Variants in ZNF70 observed in about 807,000 individuals in gnomAD.
ZNF70 encodes the protein zinc finger protein N27C7-1.
In ZNF70, 18 loss-of-function variants were observed where a neutral mutation model predicts 37.7. The observed-to-expected ratio is 0.48, with a 90% CI of 0.33 to 0.71. The LOEUF is 0.71. ZNF70 is among the 30% of genes least tolerant of loss of function. The pLI, the probability that ZNF70 is intolerant of heterozygous loss-of-function variation, is 0.02. For missense variants in ZNF70, 506 were observed against 568.6 expected (o/e 0.89, Z 1.12); for synonymous variants, 219 against 220.1 (o/e 0.99, Z 0.05).
intron 1 of ZNF70, among the ~76,000 whole-genome samples, chr22:23,746,577 G>T (rs1950032576): frequency 6.6e-6 from 1 of 151,558 alleles, no homozygotes; most frequent in Admixed American, 6.6e-5. Context: ...TCCATCTCCT[G>T]TCTGTCTGCC....
chr22:23,746,943 C>T (rs767206484), intron 1 of ZNF70, among the ~76,000 whole-genome samples: 12 of 152,258 alleles, frequency 7.9e-5, no homozygotes, highest in Admixed American at 1.3e-4. Flanking sequence ...TTTTTCTCTG[C>T]ACCCTCAGGT....
Position 23,741,288 on chromosome 22 carries a change from T to A in ZNF70, c.*2512A>T, listed in dbSNP as rs1467414163. On this transcript the variant is annotated 3_prime_UTR_variant, in exon 2 of 2. Transcript: ENST00000341976. ...AGATCTTTCAGGGACCCCTGCTTGA[T>A]GCCGCCTGCTGTCCCCACTGCATCC... 3 of 152,216 alleles carry A rather than the reference T, an allele frequency of 2.0e-5. No individual in the cohort carries two copies. Among genetic ancestry groups the A allele is most frequent in the Non-Finnish European group, 4.4e-5 (3 of 68,054 alleles). 9.4% of individuals were successfully genotyped at this position (152,216 alleles called of 1,614,324 possible). A position where few individuals can be genotyped will look rare whatever the true frequency, so the allele number is the denominator to read the frequency against.
chr22:23,739,387 T>C lies in ZNF70; in HGVS notation c.*4413A>G, dbSNP rs994849432. On this transcript the variant is annotated 3_prime_UTR_variant, in exon 2 of 2. Coordinates refer to ENST00000341976, the MANE Select transcript of ZNF70 (RefSeq NM_021916.4). ...GCCTCCCGGGTTCACACCATTCTCC[T>C]GCCTCAGCCTCCCAAGTAGCTGGGA... 1 of 152,104 alleles carries C rather than the reference T, an allele frequency of 6.6e-6. No homozygotes were observed. Among genetic ancestry groups the C allele is most frequent in the Non-Finnish European group, 1.5e-5 (1 of 68,028 alleles). 9.4% of individuals were successfully genotyped at this position (152,104 alleles called of 1,614,324 possible).
rs1204120617 is a variant in ZNF70, at chr22:23,744,906, T to A, written c.235A>T (p.Ile79Phe). 4 of 1,614,224 alleles carry A rather than the reference T, an allele frequency of 2.5e-6. No homozygotes were observed. The highest frequency in any genetic ancestry group is 3.4e-6 in the Non-Finnish European group (4 of 1,180,038). ...LCSSPVQHQSIPPGTRPQDDE... is the reference protein window; with the variant it reads ...LCSSPVQHQSFPPGTRPQDDE... The stretch of plus-strand genomic sequence containing the variant: ...TCCTGGGGTCTGGTTCCTGGGGGGA[T>A]ACTTTGATGCTGAACAGGGCTTGAG... Residue 79 changes from isoleucine (I) to phenylalanine (F), a missense_variant, in exon 2 of 2, where the codon ATC becomes TTC. Ile to Phe is a conservative substitution (Grantham distance 21). Coordinates refer to ENST00000341976, the MANE Select transcript of ZNF70 (RefSeq NM_021916.4).
chr22:23,748,065 T>G (rs1369961958), intron 1 of ZNF70, among the ~76,000 whole-genome samples: 1 of 151,994 alleles, frequency 6.6e-6, no homozygotes, highest in Non-Finnish European at 1.5e-5. Flanking sequence ...TCATATTCAC[T>G]GAGCACCTAC....
chr22:23,746,666 C>T (rs911661096), intron 1 of ZNF70, among the ~76,000 whole-genome samples: 2 of 152,108 alleles, frequency 1.3e-5, no homozygotes, highest in African/African-American at 4.8e-5. Flanking sequence ...GATCTTGGCT[C>T]ACTGCAACCT....
At position 23,747,782 on chromosome 22, in the gene ZNF70, C is replaced by T. The variant is rs1925179690; in HGVS notation, c.-79-2563G>A. ...AGGAGGCAGAGCTTGCGAGATCATG[C>T]CACTGCACACCAGCCTGGGCAACAG... On this transcript the variant is annotated intron_variant, in intron 1 of 1. Transcript: ENST00000341976. Among the ~76,000 whole-genome samples the T allele has an allele frequency of 3.9e-5, 6 of 152,202 alleles. No homozygotes were observed. The South Asian group carries it at 1.2e-3, about 32-fold the overall frequency.
Position 23,750,789 on chromosome 22 carries a change from C to G in ZNF70, c.-158G>C, listed in dbSNP as rs1925299350. Reference sequence around the variant, plus strand: ...GAGTCCCTAGGGCCTGGGCACCCTGCAAACTCTTAGTGCAGTCAAGGTTTC... The same window carrying G: ...GAGTCCCTAGGGCCTGGGCACCCTGGAAACTCTTAGTGCAGTCAAGGTTTC... On this transcript the variant is annotated 5_prime_UTR_variant, in exon 1 of 2. Coordinates refer to ENST00000341976, the MANE Select transcript of ZNF70 (RefSeq NM_021916.4). 1 of 152,352 alleles carries G rather than the reference C, an allele frequency of 6.6e-6. No homozygotes were observed. The highest frequency in any genetic ancestry group is 1.5e-5 in the Non-Finnish European group (1 of 68,100). The allele number at this position is 152,352 out of a possible 1,614,324, so 9.4% of individuals were successfully genotyped here. A position where few individuals can be genotyped will look rare whatever the true frequency, so the allele number is the denominator to read the frequency against.
rs111628598 is a variant in ZNF70 at position 23,745,111 on chromosome 22, A to G, written c.30T>C (p.Gly10=). The change falls in exon 2 of 2, where the codon GGT becomes GGC. Residue 10 remains glycine, a synonymous_variant. Coordinates refer to ENST00000341976, the MANE Select transcript of ZNF70 (RefSeq NM_021916.4). MEVPPATKF[G]ETFAFENRLE... ...ACCTGTTCTCAAATGCAAAGGTCTC[A>G]CCAAACTTTGTTGCTGGGGGAACCT... is the stretch of plus-strand genomic sequence containing the variant. 2.4e-5 allele frequency: 39 copies of G among 1,612,824 alleles called. No individual in the cohort carries two copies. The highest frequency in any genetic ancestry group is 2.3e-4 in the African/African-American group (17 of 74,982).
intron 1 of ZNF70, among the ~76,000 whole-genome samples, chr22:23,749,818 T>C (rs1207670829): frequency 1.3e-5 from 2 of 152,098 alleles, no homozygotes; most frequent in African/African-American, 2.4e-5. Context: ...CTCCAACTCT[T>C]CCAGCTCTCT....
intron 1 of ZNF70, among the ~76,000 whole-genome samples, chr22:23,749,032 C>A (rs979861309): frequency 6.6e-6 from 1 of 151,922 alleles, no homozygotes; most frequent in African/African-American, 2.4e-5. Context: ...GCTAGGACAC[C>A]ATCCTGGCTA....
In ZNF70 at chr22:23,739,093, A is replaced by C. The variant is rs1014955759; in HGVS notation, c.*4707T>G. 3 of 152,170 alleles carry C rather than the reference A, an allele frequency of 2.0e-5. No homozygotes were observed. The highest frequency in any genetic ancestry group is 6.5e-5 in the Admixed American group (1 of 15,274). 9.4% of individuals were successfully genotyped at this position (152,170 alleles called of 1,614,324 possible). ...ATGGATTTGAATAAAATAATGAAAA[A>C]ATTGAGTTAACAAATAGAACTGGTA... is the stretch of plus-strand genomic sequence containing the variant. On this transcript the variant is annotated 3_prime_UTR_variant, in exon 2 of 2. Coordinates refer to ENST00000341976, the MANE Select transcript of ZNF70 (RefSeq NM_021916.4).
Position 23,743,741 on chromosome 22 carries a change from G to A in ZNF70, c.*59C>T, listed in dbSNP as rs766177876. ...GTAGGTGGGGTCTTGGAGACCACGC[G>A]ACGTGGAATAAAGGCTCCATCTGGC... On this transcript the variant is annotated 3_prime_UTR_variant, in exon 2 of 2. Transcript: ENST00000341976. 25 of 1,553,990 alleles carry A rather than the reference G, an allele frequency of 1.6e-5. No individual in the cohort carries two copies. The highest frequency in any genetic ancestry group is 9.7e-5 in the Admixed American group (5 of 51,512).
rs1601319832 is a variant in ZNF70, at chr22:23,745,078, T to A, written c.63A>T (p.Ser21=). 31 of 1,614,262 alleles carry A rather than the reference T, an allele frequency of 1.9e-5. No individual in the cohort carries two copies. Among genetic ancestry groups the A allele is most frequent in the Non-Finnish European group, 2.6e-5 (31 of 1,180,050 alleles). Residue 21 remains serine (S), a synonymous_variant, in exon 2 of 2, where the codon TCA becomes TCT. Transcript: ENST00000341976. Reference sequence around the variant, plus strand: ...CCTCCCCTGGGAAAAGCCCTTGTTGTGACTCTAACCTGTTCTCAAATGCAA... The same window carrying A: ...CCTCCCCTGGGAAAAGCCCTTGTTGAGACTCTAACCTGTTCTCAAATGCAA... ...ETFAFENRLE[S]QQGLFPGEDL... is the part of the protein sequence containing the mutation.
At position 23,740,499 on chromosome 22, in the gene ZNF70, G is replaced by T. The variant is rs1034889721; in HGVS notation, c.*3301C>A. 12 of 151,320 alleles carry T rather than the reference G, an allele frequency of 7.9e-5. No homozygotes were observed. The highest frequency in any genetic ancestry group is 2.7e-4 in the African/African-American group (11 of 41,184). The allele number at this position is 151,320 out of a possible 1,614,324, so 9.4% of individuals were successfully genotyped here. ...TAAGCTGGCTGGGCACATGGCTCACGCCTGTAATCCCAACACTTCAGGAGG... is the reference window on the plus strand; with the variant it reads ...TAAGCTGGCTGGGCACATGGCTCACTCCTGTAATCCCAACACTTCAGGAGG... On this transcript the variant is annotated 3_prime_UTR_variant, in exon 2 of 2. Transcript: ENST00000341976.
chr22:23,751,089 T>C lies in ZNF70; in HGVS notation c.-458A>G, dbSNP rs1925315493. On this transcript the variant is annotated 5_prime_UTR_variant, in exon 1 of 2. Coordinates refer to ENST00000341976, the MANE Select transcript of ZNF70 (RefSeq NM_021916.4). ...CGCGGCCGACGCGGCCGACGCTGCC[T>C]GGCTCCACAGCAGCTGCTGACGCGG... The C allele has an allele frequency of 6.6e-6, 1 of 151,810 alleles. No homozygotes were observed. The highest frequency in any genetic ancestry group is 2.4e-5 in the African/African-American group (1 of 41,370). 9.4% of individuals were successfully genotyped at this position (151,810 alleles called of 1,614,324 possible).
In ZNF70 at chr22:23,744,492, T is replaced by G; in HGVS notation, c.649A>C (p.Ile217Leu). The G allele has an allele frequency of 1.2e-6, 2 of 1,614,026 alleles. No homozygotes were observed. Among genetic ancestry groups the G allele is most frequent in the Non-Finnish European group, 1.7e-6 (2 of 1,180,008 alleles). ...QSSALTQHQK[I>L]HTGKRPYECR... Reference sequence around the variant, plus strand: ...TCGTAGGGCCTCTTTCCGGTGTGGATCTTTTGGTGTTGCGTGAGGGCTGAG... The same window carrying G: ...TCGTAGGGCCTCTTTCCGGTGTGGAGCTTTTGGTGTTGCGTGAGGGCTGAG... The change falls in exon 2 of 2, where the codon ATC (isoleucine) becomes CTC (leucine). Residue 217 changes from isoleucine (I) to leucine (L), a missense_variant. Ile to Leu is a conservative substitution (Grantham distance 5). Transcript: ENST00000341976.
Position 23,744,548 on chromosome 22 carries a change from C to T in ZNF70, c.593G>A (p.Cys198Tyr). Residue 198 changes from cysteine to tyrosine, a missense_variant, in exon 2 of 2, where the codon TGC becomes TAC. Coordinates refer to ENST00000341976, the MANE Select transcript of ZNF70 (RefSeq NM_021916.4). ...IIHTGEKPYE[C>Y]RECGKAFRQS... ...GCGGAAGGCCTTCCCACACTCCCGG[C>T]ACTCGTAGGGCTTCTCCCCGGTGTG... 1 of 1,613,978 alleles carries T rather than the reference C, an allele frequency of 6.2e-7. No individual in the cohort carries two copies. The highest frequency in any genetic ancestry group is 8.5e-7 in the Non-Finnish European group (1 of 1,179,940).
In ZNF70 at chr22:23,743,609, A is replaced by C; in HGVS notation, c.*191T>G. ...ACCCCACCTTCCCTTCCATGCAGAA[A>C]ACCTGCTGAGAGCTGGCGTGCTTGG... On this transcript the variant is annotated 3_prime_UTR_variant, in exon 2 of 2. Coordinates refer to ENST00000341976, the MANE Select transcript of ZNF70 (RefSeq NM_021916.4). 1 of 732,328 alleles carries C rather than the reference A, an allele frequency of 1.4e-6. No individual in the cohort carries two copies. The highest frequency in any genetic ancestry group is 2.1e-6 in the Non-Finnish European group (1 of 468,116). The allele number at this position is 732,328 out of a possible 1,614,324, so 45.4% of individuals were successfully genotyped here.
Sources: allele counts gnomAD v4.1 joint callset (sites outside exome capture counted in the v4.1 genomes callset), GRCh38; gene constraint gnomAD v4.1.1; transcripts MANE v1.5; gene names NCBI Gene and HGNC (gene_info 2026-07-23, HGNC 2026-07-21).